The following NOL4 variants were observed in gnomAD, a reference collection of about 807,000 sequenced individuals.
NOL4 encodes the protein cancer/testis antigen 125.
In NOL4, 17 loss-of-function variants were observed where a neutral mutation model predicts 75.9. The observed-to-expected ratio is 0.22, with a 90% CI of 0.15 to 0.34. NOL4 has a LOEUF of 0.34. Among genes scored for constraint, NOL4 ranks in the 10% least tolerant of loss-of-function variants. The pLI, the probability that NOL4 is intolerant of heterozygous loss-of-function variation, is 1.00. For synonymous variants in NOL4, 292 were observed against 289.9 expected (o/e 1.01, Z -0.07); for missense variants, 614 against 793.5 (o/e 0.77, Z 2.72).
At chr18:34,132,727 T>C (rs1041118234) in intron 1 of NOL4, among the ~76,000 whole-genome samples, 8 of 131,484 alleles carry the variant, frequency 6.1e-5, no homozygotes, top group South Asian at 4.9e-4. Context: ...ACCCAAAGTT[T>C]CAAAAACGCA....
At chr18:34,089,539 T>C (rs948869888) in intron 5 of NOL4, among the ~76,000 whole-genome samples, 1 of 152,170 alleles carries the variant, frequency 6.6e-6, no homozygotes, top group African/African-American at 2.4e-5. Flanking sequence ...AGTTTCTCAG[T>C]AACACTAGCC....
At chr18:34,080,920 T>TA (rs1015748051) in intron 5 of NOL4, among the ~76,000 whole-genome samples, 9 of 152,124 alleles carry the variant, frequency 5.9e-5, no homozygotes, top group Non-Finnish European at 8.8e-5. Context: ...CCTCAATGGG[T>TA]AAAAAAACAG....
At chr18:33,967,499 C>G (rs866775719) in intron 6 of NOL4, among the ~76,000 whole-genome samples, 1 of 152,066 alleles carries the variant, frequency 6.6e-6, no homozygotes, top group Non-Finnish European at 1.5e-5. Context: ...AGCTTCTGCA[C>G]GGCAAAACAA....
intron 5 of NOL4, among the ~76,000 whole-genome samples, chr18:34,043,243 C>T (rs1305595142): frequency 6.6e-6 from 1 of 151,990 alleles, no homozygotes; most frequent in East Asian, 1.9e-4. Context: ...GAATGAATGA[C>T]AAATAAATGA....
At chr18:33,925,037 C>T (rs895810743) in intron 9 of NOL4, among the ~76,000 whole-genome samples, 1 of 151,916 alleles carries the variant, frequency 6.6e-6, no homozygotes, top group Non-Finnish European at 1.5e-5. Flanking sequence ...ACATTTCTTA[C>T]TTGTGTAAAT....
chr18:34,149,264 T>G (rs117068107), intron 1 of NOL4, among the ~76,000 whole-genome samples: 2,131 of 151,762 alleles, frequency 0.014, 27 homozygotes, highest in Middle Eastern at 0.041. Context: ...CTGGTGTCCA[T>G]AGCCAACAAT....
intron 9 of NOL4, among the ~76,000 whole-genome samples, chr18:33,930,185 A>G (rs1282115515): frequency 6.6e-6 from 1 of 152,170 alleles, no homozygotes; most frequent in Non-Finnish European, 1.5e-5. Flanking sequence ...ATCTATCTGT[A>G]AAACATTTTA....
chr18:34,205,066 G>T (rs1432995353), intron 1 of NOL4, among the ~76,000 whole-genome samples: 1 of 152,084 alleles, frequency 6.6e-6, no homozygotes, highest in Non-Finnish European at 1.5e-5. Flanking sequence ...CCTGGATTAA[G>T]GTTGTTATGG....
chr18:33,886,276 C>G (rs2064642527), intron 9 of NOL4, among the ~76,000 whole-genome samples: 1 of 151,930 alleles, frequency 6.6e-6, no homozygotes, highest in South Asian at 2.1e-4. Flanking sequence ...GCCTGTAATC[C>G]TGGCACTTTG....
chr18:34,218,525 G>C (rs558122981), intron 1 of NOL4, among the ~76,000 whole-genome samples: 1 of 152,238 alleles, frequency 6.6e-6, no homozygotes, highest in East Asian at 1.9e-4. Context: ...CTTTACTACT[G>C]GTCCCCACTG....
At chr18:34,170,078 G>T (rs1427568553) in intron 1 of NOL4, among the ~76,000 whole-genome samples, 1 of 152,068 alleles carries the variant, frequency 6.6e-6, no homozygotes, top group Non-Finnish European at 1.5e-5. Flanking sequence ...AAGGATAAAG[G>T]TAGAAACTTG....
intron 9 of NOL4, among the ~76,000 whole-genome samples, chr18:33,931,321 T>C (rs955301249): frequency 6.6e-6 from 1 of 152,176 alleles, no homozygotes; most frequent in African/African-American, 2.4e-5. Flanking sequence ...GGGAACTCTA[T>C]AGCAGGTGCT....
chr18:34,058,794 T>C (rs2076938944), intron 5 of NOL4, among the ~76,000 whole-genome samples: 1 of 152,128 alleles, frequency 6.6e-6, no homozygotes, highest in Non-Finnish European at 1.5e-5. Flanking sequence ...AATGAATTAT[T>C]AAATGGATCT....
chr18:34,118,946 T>C (rs542238240), intron 2 of NOL4, among the ~76,000 whole-genome samples: 3 of 152,318 alleles, frequency 2.0e-5, no homozygotes, highest in East Asian at 1.9e-4. Flanking sequence ...ATCTATTGAA[T>C]GCATAGGCAC....
At chr18:33,956,854 A>T (rs1456129936) in intron 8 of NOL4, among the ~76,000 whole-genome samples, 1 of 149,412 alleles carries the variant, frequency 6.7e-6, no homozygotes, top group Non-Finnish European at 1.5e-5. Flanking sequence ...CAAGGACTGC[A>T]ATTTGTTAAC....
At chr18:34,074,294 G>T (rs2077651971) in intron 5 of NOL4, among the ~76,000 whole-genome samples, 1 of 151,252 alleles carries the variant, frequency 6.6e-6, no homozygotes, top group Admixed American at 6.6e-5. Context: ...AATTAACAAT[G>T]ATATAAGCTC....
chr18:34,209,096 A>AGCTATTC (rs2036327512), intron 1 of NOL4, among the ~76,000 whole-genome samples: 1 of 150,324 alleles, frequency 6.7e-6, no homozygotes, highest in South Asian at 2.1e-4. Context: ...CTGTAATCCC[A>AGCTATTC]GCTATTCTGG....
At chr18:34,151,219 CAA>C (rs2081622479) in intron 1 of NOL4, among the ~76,000 whole-genome samples, 1 of 151,764 alleles carries the variant, frequency 6.6e-6, no homozygotes, top group South Asian at 2.1e-4. Context: ...TGTATTTACC[CAA>C]AGAGGTTGAA....
intron 1 of NOL4, among the ~76,000 whole-genome samples, chr18:34,165,691 T>A (rs1462877905): frequency 6.6e-6 from 1 of 152,138 alleles, no homozygotes; most frequent in Admixed American, 6.6e-5. Context: ...TAAGAGGTGA[T>A]CTTAAAGAAT....
Sources: allele counts gnomAD v4.1 joint callset (sites outside exome capture counted in the v4.1 genomes callset), GRCh38; gene constraint gnomAD v4.1.1; transcripts MANE v1.5; gene names NCBI Gene and HGNC (gene_info 2026-07-23, HGNC 2026-07-21).